The following PLPPR5 variants were observed in gnomAD, a reference collection of about 807,000 sequenced individuals.
PLPPR5 encodes the protein phospholipid phosphatase related 5.
Under a neutral mutation model 33.9 loss-of-function variants are expected in PLPPR5, and 16 were observed. The ratio of observed to expected loss-of-function variants is 0.47; its 90% CI spans 0.32 to 0.72. The LOEUF is 0.72. Among genes scored for constraint, PLPPR5 ranks in the 30% least tolerant of loss-of-function variants. The pLI is 0.03. For synonymous variants in PLPPR5, 163 were observed against 150.3 expected, an observed-to-expected ratio of 1.08 and a Z score of -0.62; for missense variants, 301 against 406.7, an observed-to-expected ratio of 0.74 and a Z score of 2.23.
At chr1:98,929,314 A>T (rs1649881874) in intron 3 of PLPPR5, among the ~76,000 whole-genome samples, 1 of 152,252 alleles carries the variant, frequency 6.6e-6, no homozygotes, top group Admixed American at 6.5e-5. Flanking sequence ...GGATTAAAAC[A>T]ATATATTTGG....
chr1:98,989,412 C>A (rs1203688125), intron 1 of PLPPR5, among the ~76,000 whole-genome samples: 1 of 152,004 alleles, frequency 6.6e-6, no homozygotes, highest in African/African-American at 2.4e-5. Context: ...AAAAAGAACT[C>A]AAAGAAATGC....
chr1:98,960,752 C>G (rs1224925470), intron 1 of PLPPR5, among the ~76,000 whole-genome samples: 1 of 152,140 alleles, frequency 6.6e-6, no homozygotes, highest in Non-Finnish European at 1.5e-5. Flanking sequence ...CACTGAGTCA[C>G]TGAGAGAATC....
chr1:98,919,148 G>C (rs576164808), intron 4 of PLPPR5, among the ~76,000 whole-genome samples: 3 of 152,284 alleles, frequency 2.0e-5, no homozygotes, highest in South Asian at 2.1e-4. Flanking sequence ...TTTAAACATG[G>C]TTCAGAGAAG....
At chr1:98,935,878 CA>C (rs1362609550) in intron 3 of PLPPR5, among the ~76,000 whole-genome samples, 1 of 152,096 alleles carries the variant, frequency 6.6e-6, no homozygotes, top group East Asian at 1.9e-4. Context: ...CACTCTCTTC[CA>C]AAAAACTACA....
chr1:98,930,456 T>A (rs1649923227), intron 3 of PLPPR5, among the ~76,000 whole-genome samples: 1 of 152,052 alleles, frequency 6.6e-6, no homozygotes, highest in Non-Finnish European at 1.5e-5. Context: ...AACCAGAAAA[T>A]TTTAAATATT....
In PLPPR5 at chr1:98,901,130, A is replaced by G. The variant is rs1648680868; in HGVS notation, c.934-8026T>C. 2.0e-5 allele frequency among the ~76,000 whole-genome samples: 3 copies of G among 152,164 alleles called. No individual in the cohort carries two copies. In the South Asian group the frequency reaches 6.2e-4, roughly 31 times the overall value. ...ACAAACTGTGGTGCATCCATACAAC[A>G]GGATACTACTCAGCAATTAAATGGG... is the stretch of plus-strand genomic sequence containing the variant. On this transcript the variant is annotated intron_variant, in intron 5 of 5. Coordinates refer to ENST00000263177, the MANE Select transcript of PLPPR5 (RefSeq NM_001037317.2).
chr1:98,963,991 G>A (rs796900047), intron 1 of PLPPR5, among the ~76,000 whole-genome samples: 23 of 152,202 alleles, frequency 1.5e-4, no homozygotes, highest in African/African-American at 5.5e-4. Flanking sequence ...GTGCCATTGA[G>A]GATCTGGTGT....
intron 4 of PLPPR5, among the ~76,000 whole-genome samples, chr1:98,918,261 A>G (rs1220413577): frequency 6.6e-6 from 1 of 152,182 alleles, no homozygotes; most frequent in Non-Finnish European, 1.5e-5. Context: ...GTTACTTTAT[A>G]TAATCAGGCT....
At chr1:98,947,813 T>A (rs309071) in intron 3 of PLPPR5, among the ~76,000 whole-genome samples, 86,590 of 152,082 alleles carry the variant, frequency 0.57, 25,349 homozygotes, top group East Asian at 0.72. Context: ...TGGCACCAGT[T>A]GTCATAATAA....
chr1:98,923,837 G>A (rs394875), intron 3 of PLPPR5, among the ~76,000 whole-genome samples: 1 of 152,200 alleles, frequency 6.6e-6, no homozygotes, highest in African/African-American at 2.4e-5. Context: ...CATTCTGAGA[G>A]AATGTGTTAA....
At chr1:98,940,037 T>C (rs1400720270) in intron 3 of PLPPR5, among the ~76,000 whole-genome samples, 2 of 151,834 alleles carry the variant, frequency 1.3e-5, no homozygotes, top group East Asian at 3.9e-4. Flanking sequence ...ACGAGTGGAA[T>C]AGAGTGATCA....
At chr1:98,922,706 C>T (rs1570700235) in intron 3 of PLPPR5, among the ~76,000 whole-genome samples, 2 of 152,160 alleles carry the variant, frequency 1.3e-5, no homozygotes, top group East Asian at 3.8e-4. Flanking sequence ...CTTAAGTAGG[C>T]CGGGCGCGGT....
At chr1:98,963,612 C>A (rs1365158284) in intron 1 of PLPPR5, among the ~76,000 whole-genome samples, 1 of 152,130 alleles carries the variant, frequency 6.6e-6, no homozygotes, top group Admixed American at 6.6e-5. Context: ...TTTATTTTGA[C>A]CACAGCCTCT....
chr1:98,901,423 G>T lies in PLPPR5; in HGVS notation c.934-8319C>A, dbSNP rs1234379616. 2.6e-5 allele frequency among the ~76,000 whole-genome samples: 4 copies of T among 151,990 alleles called. No homozygotes were observed. The South Asian group carries it at 6.2e-4, about 24-fold the overall frequency. ...CAAAACTCATAAAGCTATACGCCAA[G>T]GAAGGATGTATCAGGATGCAAATTA... On this transcript the variant is annotated intron_variant, in intron 5 of 5. Coordinates refer to ENST00000263177, the MANE Select transcript of PLPPR5 (RefSeq NM_001037317.2).
At chr1:98,984,522 TAC>T (rs1356691385) in intron 1 of PLPPR5, among the ~76,000 whole-genome samples, 1 of 152,080 alleles carries the variant, frequency 6.6e-6, no homozygotes, top group African/African-American at 2.4e-5. Context: ...CACAGAACTT[TAC>T]AGAGTGCATC....
intron 3 of PLPPR5, among the ~76,000 whole-genome samples, chr1:98,946,944 A>T (rs1277065523): frequency 6.6e-6 from 1 of 152,086 alleles, no homozygotes; most frequent in East Asian, 1.9e-4. Flanking sequence ...ATCATTTTTA[A>T]TTTTATTTAT....
chr1:98,924,121 A>G (rs1306412103), intron 3 of PLPPR5, among the ~76,000 whole-genome samples: 1 of 152,246 alleles, frequency 6.6e-6, no homozygotes, highest in Non-Finnish European at 1.5e-5. Flanking sequence ...TACTGCTAGT[A>G]TCAATTATAG....
intron 3 of PLPPR5, among the ~76,000 whole-genome samples, chr1:98,946,775 G>A (rs148521955): frequency 3.6e-4 from 55 of 152,254 alleles, no homozygotes; most frequent in African/African-American, 1.3e-3. Flanking sequence ...CAGCATTACA[G>A]TAAGCACAGT....
At chr1:98,901,395 C>T (rs1054985122) in intron 5 of PLPPR5, among the ~76,000 whole-genome samples, 11 of 152,020 alleles carry the variant, frequency 7.2e-5, no homozygotes, top group East Asian at 5.8e-4. Context: ...AGTATGCATT[C>T]ATCAAAACTC....
Sources: gnomAD v4.1 joint callset for allele counts (sites outside exome capture counted in the v4.1 genomes callset) on GRCh38, gnomAD v4.1.1 for gene constraint, MANE v1.5 for transcripts, NCBI Gene and HGNC (gene_info 2026-07-23, HGNC 2026-07-21) for gene names.